ZMYM2: variants seen among roughly 807,000 people sequenced by gnomAD.
The protein encoded by ZMYM2 is zinc finger MYM-type protein 2.
Under a neutral mutation model 162.8 loss-of-function variants are expected in ZMYM2, and 56 were observed. The observed-to-expected ratio is 0.34, with a 90% CI of 0.28 to 0.43. The LOEUF is 0.43. ZMYM2 is among the 20% of genes least tolerant of loss of function. The pLI, the probability that ZMYM2 is intolerant of heterozygous loss-of-function variation, is 1.00. For missense variants in ZMYM2, 1,275 were observed against 1,621.8 expected (o/e 0.79, Z 3.67); for synonymous variants, 510 against 541.6 (o/e 0.94, Z 0.81).
chr13:19,870,573 T>TCCTTC, the ZMYM2 span, among the ~76,000 whole-genome samples: 677 of 136,360 alleles, frequency 5.0e-3, 10 homozygotes, highest in African/African-American at 0.018. Flanking sequence ...CTTCCTTCCT[T>TCCTTC]CTTTCCTTTC....
At chr13:19,905,639 G>A in the ZMYM2 span, among the ~76,000 whole-genome samples, 1 of 152,076 alleles carries the variant, frequency 6.6e-6, no homozygotes, top group African/African-American at 2.4e-5. Flanking sequence ...ACCCTGCCTT[G>A]CCTGTTCCTT....
chr13:19,996,072 C>CTATG (rs60912894), intron 3 of ZMYM2, among the ~76,000 whole-genome samples: 146,577 of 152,008 alleles, frequency 0.96, 70,897 homozygotes, highest in Non-Finnish European at 1. Context: ...CCCAATTCCT[C>CTATG]TGTGTGTGTG....
chr13:19,967,655 A>G (rs1955920356), intron 2 of ZMYM2, among the ~76,000 whole-genome samples: 1 of 152,350 alleles, frequency 6.6e-6, no homozygotes, highest in South Asian at 2.1e-4. Context: ...CCAGTTTGCG[A>G]TATCAGGCAA....
In ZMYM2 at chr13:19,986,371, CAAAA is replaced by C. The variant is rs113580487; in HGVS notation, c.-10-6684_-10-6681del. Among the ~76,000 whole-genome samples the C allele has an allele frequency of 2.1e-5, 3 of 142,352 alleles. No individual in the cohort carries two copies. In the East Asian group the frequency reaches 6.1e-4, roughly 29 times the overall value. 93.4% of individuals were successfully genotyped at this position (142,352 alleles called of 152,430 possible). A position where few individuals can be genotyped will look rare whatever the true frequency, so the allele number is the denominator to read the frequency against. ...CCATCTCAGAAAAAACAAACAAAAA[CAAAA>C]AAAAAAAGAAGGGTGATTATTTACT... On this transcript the variant is annotated intron_variant, in intron 2 of 24. Transcript: ENST00000610343.
chr13:20,033,125 A>G (rs2140330786), intron 10 of ZMYM2, among the ~76,000 whole-genome samples: 1 of 152,254 alleles, frequency 6.6e-6, no homozygotes, highest in Non-Finnish European at 1.5e-5. Context: ...GTAAGAGGTA[A>G]TAAAGGAGTG....
chr13:19,870,550 T>TCTTCCTTCCTTCCTTCCTTC, the ZMYM2 span, among the ~76,000 whole-genome samples: 58 of 114,832 alleles, frequency 5.1e-4, 1 homozygote, highest in African/African-American at 2.0e-3. Flanking sequence ...TTTCTTTCTT[T>TCTTCCTTCCTTCCTTCCTTC]CTTCCTTCCT....
chr13:19,990,864 A>T (rs1318611868), intron 2 of ZMYM2, among the ~76,000 whole-genome samples: 3 of 152,072 alleles, frequency 2.0e-5, no homozygotes, highest in African/African-American at 7.2e-5. Flanking sequence ...TCTACAATTT[A>T]ATCTATAGTC....
At chr13:19,877,509 G>A in the ZMYM2 span, among the ~76,000 whole-genome samples, 1,595 of 152,314 alleles carry the variant, frequency 0.01, 32 homozygotes, top group African/African-American at 0.036. Context: ...CTATTCATGA[G>A]GGATCCATCC....
At chr13:19,906,681 G>A in the ZMYM2 span, among the ~76,000 whole-genome samples, 3 of 151,934 alleles carry the variant, frequency 2.0e-5, no homozygotes. Flanking sequence ...GCTTAAGCGA[G>A]CCTTCTGCTT....
the ZMYM2 span, among the ~76,000 whole-genome samples, chr13:19,889,111 G>T: frequency 6.6e-6 from 1 of 151,702 alleles, no homozygotes; most frequent in Non-Finnish European, 1.5e-5. Context: ...TGTGCCCTTT[G>T]TTCAAAAACT....
chr13:20,069,927 G>T (rs1002085756), intron 21 of ZMYM2, among the ~76,000 whole-genome samples: 1 of 151,912 alleles, frequency 6.6e-6, no homozygotes, highest in Admixed American at 6.6e-5. Flanking sequence ...AAAGGAGATA[G>T]CTTCATAAGA....
chr13:20,067,046 A>G lies in ZMYM2; in HGVS notation c.3301+27A>G, dbSNP rs779073433. The G allele has an allele frequency of 3.2e-6, 5 of 1,554,098 alleles. No homozygotes were observed. In the African/African-American group the frequency reaches 5.5e-5, roughly 17 times the overall value. ...TAAGTGTTTTAATTTTGTTTCTCCT[A>G]AGTCCTATTTAAAATCAAGATTTCT... On this transcript the variant is annotated intron_variant, in intron 20 of 24. Coordinates refer to ENST00000610343, the MANE Select transcript of ZMYM2 (RefSeq NM_197968.4).
Position 19,993,271 on chromosome 13 carries a change from C to A in ZMYM2, c.199C>A (p.Gln67Lys). Reference protein sequence around the residue: ...DDDVVFIEPVQPPPPSVPVVA... With the variant: ...DDDVVFIEPVKPPPPSVPVVA... The stretch of plus-strand genomic sequence containing the variant: ...TGATGTTGTTTTTATCGAACCTGTA[C>A]AACCTCCCCCACCTTCTGTACCAGT... Residue 67 changes from glutamine to lysine, a missense_variant, in exon 3 of 25, where the codon CAA (glutamine) becomes AAA (lysine). Transcript: ENST00000610343. The A allele has an allele frequency of 2.5e-6, 4 of 1,613,970 alleles. No individual in the cohort carries two copies. Among genetic ancestry groups the A allele is most frequent in the Non-Finnish European group, 3.4e-6 (4 of 1,179,878 alleles).
At chr13:20,042,542 T>C (rs1353350900) in intron 12 of ZMYM2, among the ~76,000 whole-genome samples, 1 of 152,032 alleles carries the variant, frequency 6.6e-6, no homozygotes, top group Non-Finnish European at 1.5e-5. Flanking sequence ...TCTATTTCTG[T>C]TATTTCAGCC....
chr13:20,045,411 G>A (rs563670431), intron 12 of ZMYM2, among the ~76,000 whole-genome samples: 43 of 152,268 alleles, frequency 2.8e-4, no homozygotes, highest in African/African-American at 9.9e-4. Context: ...GCTTCTATAT[G>A]ATGTAAACTT....
intron 19 of ZMYM2, among the ~76,000 whole-genome samples, chr13:20,065,022 G>C (rs1444865907): frequency 6.6e-6 from 1 of 151,994 alleles, no homozygotes; most frequent in Non-Finnish European, 1.5e-5. Context: ...TATTATTTCT[G>C]GTCTCTTTTA....
intron 12 of ZMYM2, among the ~76,000 whole-genome samples, chr13:20,037,641 T>G (rs1953851564): frequency 6.6e-6 from 1 of 152,206 alleles, no homozygotes; most frequent in Non-Finnish European, 1.5e-5. Context: ...TTGTGAGTTT[T>G]GGGGGACTTT....
intron 2 of ZMYM2, among the ~76,000 whole-genome samples, chr13:19,972,395 A>T (rs1382042591): frequency 6.6e-6 from 1 of 152,128 alleles, no homozygotes; most frequent in Non-Finnish European, 1.5e-5. Flanking sequence ...TATTACATTT[A>T]CCCTTAAGAA....
chr13:20,041,506 G>A (rs144903856), intron 12 of ZMYM2, among the ~76,000 whole-genome samples: 6 of 152,114 alleles, frequency 3.9e-5, no homozygotes, highest in Non-Finnish European at 5.9e-5. Flanking sequence ...CCTTATCCAA[G>A]CCACTGTGTA....
Sources: allele counts gnomAD v4.1 joint callset (sites outside exome capture counted in the v4.1 genomes callset), GRCh38; gene constraint gnomAD v4.1.1; transcripts MANE v1.5; gene names NCBI Gene and HGNC (gene_info 2026-07-23, HGNC 2026-07-21).